Variants in KDM6A observed in about 807,000 individuals in gnomAD.
KDM6A encodes the protein lysine-specific demethylase 6A.
KDM6A carries 11 observed loss-of-function variants against 117.6 expected under a neutral mutation model. The ratio of observed to expected loss-of-function variants is 0.09; its 90% CI spans 0.06 to 0.15. KDM6A has a LOEUF of 0.15. Ranked by LOEUF, KDM6A falls within the 10% of genes least tolerant of loss-of-function variation. The pLI is 1.00. For synonymous variants in KDM6A, 384 were observed against 396.1 expected, an observed-to-expected ratio of 0.97 and a Z score of 0.36; for missense variants, 799 against 1,077.3, an observed-to-expected ratio of 0.74 and a Z score of 3.62.
intron 8 of KDM6A, among the ~76,000 whole-genome samples, chrX:45,042,008 G>C (rs1285665610): frequency 1.8e-5 from 2 of 110,592 alleles, no homozygotes; most frequent in African/African-American, 6.6e-5. Context: ...CCGGCACCTC[G>C]GGAGGCCGAG....
In KDM6A at chrX:44,932,894, T is replaced by TC. The variant is rs1305816192; in HGVS notation, c.226-28390_226-28389insC. Among the ~76,000 whole-genome samples the TC allele has an allele frequency of 4.6e-5, 5 of 108,565 alleles. No homozygotes were observed. The East Asian group carries it at 1.4e-3, about 31-fold the overall frequency. 94.3% of individuals were successfully genotyped at this position (108,565 alleles called of 115,157 possible). On this transcript the variant is annotated intron_variant, in intron 2 of 29. Coordinates refer to ENST00000611820, the MANE Select transcript of KDM6A (RefSeq NM_001291415.2). ...CTTCTGTATTTCTTTTTTCTTTCTTTTTTTTTTTTTGAGATGGAGTTTCGC... is the reference window on the plus strand; with the variant it reads ...CTTCTGTATTTCTTTTTTCTTTCTTTCTTTTTTTTTTGAGATGGAGTTTCGC...
intron 4 of KDM6A, among the ~76,000 whole-genome samples, chrX:44,977,301 T>C (rs2039663211): frequency 9.0e-6 from 1 of 111,140 alleles, no homozygotes. Context: ...TTGCACAGGG[T>C]GGAGTGCAGT....
chrX:44,931,478 G>A (rs2036623819), intron 2 of KDM6A, among the ~76,000 whole-genome samples: 1 of 112,057 alleles, frequency 8.9e-6, no homozygotes, highest in South Asian at 3.7e-4. Context: ...CAGCAGATGT[G>A]AATGGATAAG....
intron 2 of KDM6A, among the ~76,000 whole-genome samples, chrX:44,958,348 C>T (rs2038463911): frequency 9.2e-6 from 1 of 108,734 alleles, no homozygotes; most frequent in African/African-American, 3.4e-5. Flanking sequence ...ACGCTTGGCT[C>T]ATTTTTTGTG....
At chrX:44,956,870 C>T (rs1372517227) in intron 2 of KDM6A, among the ~76,000 whole-genome samples, 1 of 111,158 alleles carries the variant, frequency 9.0e-6, no homozygotes, top group East Asian at 2.8e-4. Context: ...TGGCTCACAC[C>T]TGTAATCCCA....
At chrX:45,102,129 A>G (rs1332940993) in intron 27 of KDM6A, among the ~76,000 whole-genome samples, 1 of 111,813 alleles carries the variant, frequency 8.9e-6, no homozygotes, top group African/African-American at 3.3e-5. Context: ...CAAATCTGAG[A>G]CATTGGTTTT....
At chrX:45,052,503 CATT>C (rs1249523362) in intron 9 of KDM6A, among the ~76,000 whole-genome samples, 2 of 111,467 alleles carry the variant, frequency 1.8e-5, no homozygotes, top group East Asian at 2.8e-4. Context: ...TAGATTTTAT[CATT>C]ATCTTTAGAT....
intron 3 of KDM6A, among the ~76,000 whole-genome samples, chrX:44,968,732 A>G (rs777105348): frequency 8.9e-6 from 1 of 112,015 alleles, no homozygotes; most frequent in East Asian, 2.8e-4. Flanking sequence ...GCACTTTGGG[A>G]GGCCGAGGCG....
At chrX:44,956,025 T>C (rs1469156818) in intron 2 of KDM6A, among the ~76,000 whole-genome samples, 5 of 111,345 alleles carry the variant, frequency 4.5e-5, no homozygotes, top group Non-Finnish European at 9.5e-5. Context: ...TAATTTTTCC[T>C]ACCTTCTGAA....
At chrX:44,963,483 G>GTGTGTGTGTGTGTGTC (rs1481840859) in intron 3 of KDM6A, among the ~76,000 whole-genome samples, 69 of 40,873 alleles carry the variant, frequency 1.7e-3, no homozygotes, top group East Asian at 8.7e-3. Context: ...GTGTGTGTGT[G>GTGTGTGTGTGTGTGTC]TGTCTGTCTG....
intron 2 of KDM6A, among the ~76,000 whole-genome samples, chrX:44,933,337 G>A (rs1223786326): frequency 1.0e-5 from 1 of 96,657 alleles, no homozygotes; most frequent in Non-Finnish European, 2.0e-5. Context: ...GCGTGATCTC[G>A]GCTCACTGCA....
At chrX:45,058,153 G>A (rs2044159274) in intron 10 of KDM6A, among the ~76,000 whole-genome samples, 1 of 94,301 alleles carries the variant, frequency 1.1e-5, no homozygotes, top group African/African-American at 4.1e-5. Context: ...AAATTCTCAG[G>A]CCAATTATTG....
chrX:44,971,342 A>G (rs1336550663), intron 3 of KDM6A, among the ~76,000 whole-genome samples: 1 of 111,882 alleles, frequency 8.9e-6, no homozygotes, highest in Non-Finnish European at 1.9e-5. Flanking sequence ...ATCTTTATGC[A>G]AAAAAGATGA....
chrX:45,072,868 T>TA (rs1403387574), intron 18 of KDM6A, among the ~76,000 whole-genome samples: 1 of 97,995 alleles, frequency 1.0e-5, no homozygotes, highest in Non-Finnish European at 1.9e-5. Context: ...AATATAATAA[T>TA]ATATATATAT....
intron 6 of KDM6A, among the ~76,000 whole-genome samples, chrX:45,025,014 A>T (rs2042310384): frequency 8.9e-6 from 1 of 112,358 alleles, no homozygotes; most frequent in South Asian, 3.7e-4. Context: ...AGCAGTGGAG[A>T]TACCAATTCT....
chrX:45,007,438 A>G (rs2041552538), intron 4 of KDM6A, among the ~76,000 whole-genome samples: 1 of 112,376 alleles, frequency 8.9e-6, no homozygotes. Flanking sequence ...TGACATGGCT[A>G]CATCCCCCAG....
chrX:44,906,269 G>C (rs1179019320), intron 2 of KDM6A, among the ~76,000 whole-genome samples: 4 of 110,739 alleles, frequency 3.6e-5, no homozygotes, highest in Non-Finnish European at 1.9e-5. Flanking sequence ...TCCTGCCTCA[G>C]CCTCCTGAGT....
intron 2 of KDM6A, among the ~76,000 whole-genome samples, chrX:44,943,135 A>G (rs1171166569): frequency 1.8e-5 from 2 of 111,067 alleles, no homozygotes; most frequent in African/African-American, 3.3e-5. Flanking sequence ...TTGATGTATA[A>G]TTTACATATA....
At chrX:45,015,078 CTCT>C (rs1001473226) in intron 5 of KDM6A, among the ~76,000 whole-genome samples, 3 of 108,687 alleles carry the variant, frequency 2.8e-5, no homozygotes, top group African/African-American at 6.8e-5. Flanking sequence ...TTTTTCTTTT[CTCT>C]TCTTTTTTCT....
Sources: gnomAD v4.1 joint callset for allele counts (sites outside exome capture counted in the v4.1 genomes callset) on GRCh38, gnomAD v4.1.1 for gene constraint, MANE v1.5 for transcripts, NCBI Gene and HGNC (gene_info 2026-07-23, HGNC 2026-07-21) for gene names.